Variants in TMEM163 observed in about 807,000 individuals in gnomAD.
TMEM163 encodes the protein transmembrane protein 163.
TMEM163 carries 17 observed loss-of-function variants against 29.3 expected under a neutral mutation model. The observed-to-expected ratio is 0.58, with a 90% CI of 0.40 to 0.87. TMEM163 has a LOEUF of 0.87. Among genes scored for constraint, TMEM163 ranks in the 40% least tolerant of loss-of-function variants. The pLI is 0.00. For synonymous variants in TMEM163, 157 were observed against 160.6 expected, an observed-to-expected ratio of 0.98 and a Z score of 0.17; for missense variants, 303 against 381.5, an observed-to-expected ratio of 0.79 and a Z score of 1.71.
chr2:134,541,132 A>G (rs1305530408), intron 4 of TMEM163, among the ~76,000 whole-genome samples: 2 of 152,250 alleles, frequency 1.3e-5, no homozygotes, highest in African/African-American at 4.8e-5. Flanking sequence ...GTGCTTCCTT[A>G]GTTGCCTAGG....
At chr2:134,649,792 C>G (rs904857726) in intron 2 of TMEM163, among the ~76,000 whole-genome samples, 2 of 151,964 alleles carry the variant, frequency 1.3e-5, no homozygotes, top group African/African-American at 4.8e-5. Context: ...AGCGGGTGTA[C>G]TGCTTGATCT....
At chr2:134,535,149 C>T (rs1680505188) in intron 4 of TMEM163, among the ~76,000 whole-genome samples, 1 of 152,182 alleles carries the variant, frequency 6.6e-6, no homozygotes. Flanking sequence ...GCCTCAGTCA[C>T]CTTGGAAGAG....
chr2:134,648,675 G>A (rs1396643083), intron 2 of TMEM163, among the ~76,000 whole-genome samples: 2 of 152,160 alleles, frequency 1.3e-5, no homozygotes, highest in African/African-American at 4.8e-5. Flanking sequence ...GATGTGAAAG[G>A]AAGCGATAAC....
At chr2:134,598,547 C>T (rs918106892) in intron 2 of TMEM163, among the ~76,000 whole-genome samples, 4 of 152,144 alleles carry the variant, frequency 2.6e-5, no homozygotes, top group African/African-American at 2.4e-5. Flanking sequence ...CAGCCTGCTC[C>T]GTGGCTCGTG....
chr2:134,543,887 G>A (rs1680726919), intron 4 of TMEM163, among the ~76,000 whole-genome samples: 1 of 152,216 alleles, frequency 6.6e-6, no homozygotes, highest in Non-Finnish European at 1.5e-5. Flanking sequence ...CCATCCCAAT[G>A]TGCTGCTGAG....
intron 2 of TMEM163, among the ~76,000 whole-genome samples, chr2:134,668,869 C>T (rs549351319): frequency 1.1e-4 from 17 of 152,310 alleles, no homozygotes; most frequent in African/African-American, 3.8e-4. Flanking sequence ...AAGGCCAAAC[C>T]TTGCCCAGTG....
rs767174910 is a variant in TMEM163 at position 134,490,322 on chromosome 2, A to AT, written c.555+12578dup. Among the ~76,000 whole-genome samples the AT allele has an allele frequency of 1.3e-4, 20 of 152,146 alleles. 1 individual carries two copies. Among genetic ancestry groups the AT allele is most frequent in the Non-Finnish European group, 2.9e-4 (20 of 68,028 alleles). On this transcript the variant is annotated intron_variant, in intron 5 of 7. Coordinates refer to ENST00000281924, the MANE Select transcript of TMEM163 (RefSeq NM_030923.5). ...GAAGTGTCAAGGACCACAGCACTTC[A>AT]TGGCTCTTTCCTCTTACAACCCTCT...
chr2:134,581,033 C>T (rs970387748), intron 2 of TMEM163, among the ~76,000 whole-genome samples: 1 of 152,164 alleles, frequency 6.6e-6, no homozygotes, highest in African/African-American at 2.4e-5. Context: ...TCCCTGGACC[C>T]TCTAATGAAG....
intron 2 of TMEM163, among the ~76,000 whole-genome samples, chr2:134,566,134 C>T (rs1262623864): frequency 6.6e-6 from 1 of 151,958 alleles, no homozygotes; most frequent in African/African-American, 2.4e-5. Flanking sequence ...TTTTTAAAAG[C>T]CCAAGAGCCT....
At chr2:134,708,021 G>A (rs1558999813) in intron 2 of TMEM163, among the ~76,000 whole-genome samples, 1 of 151,818 alleles carries the variant, frequency 6.6e-6, no homozygotes, top group African/African-American at 2.4e-5. Flanking sequence ...CAAGTAGCTG[G>A]GATAACAGGC....
At chr2:134,630,025 C>A (rs939352076) in intron 2 of TMEM163, among the ~76,000 whole-genome samples, 7 of 152,128 alleles carry the variant, frequency 4.6e-5, no homozygotes, top group African/African-American at 1.7e-4. Flanking sequence ...GAGGGCCTCA[C>A]CAGAAGCAAT....
chr2:134,647,730 C>T (rs1248204713), intron 2 of TMEM163, among the ~76,000 whole-genome samples: 3 of 152,214 alleles, frequency 2.0e-5, no homozygotes, highest in African/African-American at 7.2e-5. Flanking sequence ...CTGGAGTGCA[C>T]GGGTGCTAGA....
chr2:134,618,821 C>T (rs1393924272), intron 2 of TMEM163, among the ~76,000 whole-genome samples: 4 of 151,946 alleles, frequency 2.6e-5, no homozygotes, highest in African/African-American at 9.7e-5. Flanking sequence ...AAAAACACAA[C>T]ATAACAAAAT....
At chr2:134,615,516 A>T (rs1682590643) in intron 2 of TMEM163, among the ~76,000 whole-genome samples, 1 of 152,234 alleles carries the variant, frequency 6.6e-6, no homozygotes, top group African/African-American at 2.4e-5. Flanking sequence ...AAAGGACAGA[A>T]AATTAACAGC....
intron 2 of TMEM163, among the ~76,000 whole-genome samples, chr2:134,621,051 C>T (rs574819513): frequency 6.6e-6 from 1 of 151,940 alleles, no homozygotes; most frequent in Admixed American, 6.5e-5. Context: ...AAGCTACTTA[C>T]TGTGAAAAAA....
chr2:134,568,191 C>T (rs1681338404), intron 2 of TMEM163, among the ~76,000 whole-genome samples: 1 of 152,166 alleles, frequency 6.6e-6, no homozygotes, highest in Non-Finnish European at 1.5e-5. Flanking sequence ...CTTTCATTAA[C>T]TTTGAGTGTA....
chr2:134,503,872 A>C (rs1284613422), intron 4 of TMEM163, among the ~76,000 whole-genome samples: 1 of 152,188 alleles, frequency 6.6e-6, no homozygotes. Context: ...TCAGGATGGA[A>C]AAATGAAGAG....
At chr2:134,669,545 G>C (rs957216219) in intron 2 of TMEM163, among the ~76,000 whole-genome samples, 6 of 152,202 alleles carry the variant, frequency 3.9e-5, no homozygotes, top group Non-Finnish European at 5.9e-5. Flanking sequence ...TCTGAAGATG[G>C]CTATGCCAAT....
chr2:134,541,298 A>G (rs1680660820), intron 4 of TMEM163, among the ~76,000 whole-genome samples: 2 of 152,274 alleles, frequency 1.3e-5, no homozygotes, highest in South Asian at 4.1e-4. Context: ...GCATGTTAAC[A>G]TGGAGAATTA....
Sources: gnomAD v4.1 joint callset for allele counts (sites outside exome capture counted in the v4.1 genomes callset) on GRCh38, gnomAD v4.1.1 for gene constraint, MANE v1.5 for transcripts, NCBI Gene and HGNC (gene_info 2026-07-23, HGNC 2026-07-21) for gene names.